NBEAL2: variants seen among roughly 807,000 people sequenced by gnomAD.
NBEAL2 encodes the protein neurobeachin-like protein 2.
NBEAL2 carries 160 observed loss-of-function variants against 299.8 expected under a neutral mutation model. The observed-to-expected ratio is 0.53, with a 90% confidence interval of 0.47 to 0.61. The LOEUF is 0.61. NBEAL2 is among the 20% of genes least tolerant of loss of function. The pLI is 0.00. For synonymous variants in NBEAL2, 1,493 were observed against 1,542.3 expected (o/e 0.97, Z 0.75); for missense variants, 3,112 against 3,649.0 (o/e 0.85, Z 3.79).
Position 47,009,513 on chromosome 3 carries a change from G to A in NBEAL2, c.*193G>A. The A allele has an allele frequency of 1.6e-6, 1 of 615,326 alleles. No homozygotes were observed. The highest frequency in any genetic ancestry group is 2.8e-6 in the Non-Finnish European group (1 of 354,844). 38.1% of individuals were successfully genotyped at this position (615,326 alleles called of 1,614,324 possible). ...CGGGCGGAAGTCCCGCCCCTCGCCGGCTGAGGGGCCGCCCTGAGGGCCAGC... is the reference window on the plus strand; with the variant it reads ...CGGGCGGAAGTCCCGCCCCTCGCCGACTGAGGGGCCGCCCTGAGGGCCAGC... On this transcript the variant is annotated 3_prime_UTR_variant, in exon 54 of 54. Coordinates refer to ENST00000450053, the MANE Select transcript of NBEAL2 (RefSeq NM_015175.3).
chr3:46,993,917 T>C lies in NBEAL2; in HGVS notation c.1114-20T>C. The C allele has an allele frequency of 6.2e-7, 1 of 1,602,002 alleles. No homozygotes were observed. The highest frequency in any genetic ancestry group is 8.5e-7 in the Non-Finnish European group (1 of 1,174,458). ...ACACCCTGGCCCCTGCCTCTCCTGA[T>C]GGCCCCTCCCCACCCCAAGGTCCTG... On this transcript the variant is annotated intron_variant, in intron 10 of 53. Transcript: ENST00000450053.
At chr3:47,007,931 T>C in intron 49 of NBEAL2, 21 bp downstream of exon 49, 1 of 1,607,970 alleles carries the variant, frequency 6.2e-7, no homozygotes, top group Non-Finnish European at 8.5e-7. Flanking sequence ...TGGGCAGCTC[T>C]GTGGGGCCCC....
chr3:47,009,406 G>C lies in NBEAL2; in HGVS notation c.*86G>C. The C allele has an allele frequency of 7.7e-7, 1 of 1,301,384 alleles. No individual in the cohort carries two copies. Among genetic ancestry groups the C allele is most frequent in the Non-Finnish European group, 1.1e-6 (1 of 942,626 alleles). The allele number at this position is 1,301,384 out of a possible 1,614,324, so 80.6% of individuals were successfully genotyped here. A position where few individuals can be genotyped will look rare whatever the true frequency, so the allele number is the denominator to read the frequency against. On this transcript the variant is annotated 3_prime_UTR_variant, in exon 54 of 54. Coordinates refer to ENST00000450053, the MANE Select transcript of NBEAL2 (RefSeq NM_015175.3). ...CCAGAAGTCGGCGGGAACACCCCGG[G>C]GTGGGCAGCCCAGGGGGGTGAGCGG...
rs536214086 is a variant in NBEAL2 at position 47,001,841 on chromosome 3, A to G, written c.4782+15A>G. The stretch of plus-strand genomic sequence containing the variant: ...AAGACCCACAGGTGAGCACAGGGTG[A>G]GCATGGGGGCAGGGGGCGTGTGAGA... On this transcript the variant is annotated intron_variant, in intron 30 of 53. Transcript: ENST00000450053. This position sits in a 1 kb window ranked among gnomAD's most constrained non-coding sequence, Gnocchi z 6.1. The G allele has an allele frequency of 2.0e-5, 32 of 1,613,178 alleles. No individual in the cohort carries two copies. Among genetic ancestry groups the G allele is most frequent in the Non-Finnish European group, 2.6e-5 (31 of 1,179,544 alleles).
At chr3:46,981,815 A>C (rs2035364902) in intron 1 of NBEAL2, 1 of 152,350 alleles carries the variant, frequency 6.6e-6, no homozygotes, top group Non-Finnish European at 1.5e-5. Context: ...TAACTCCAGC[A>C]TGGTTGCCTC....
Position 47,008,099 on chromosome 3 carries a change from G to T in NBEAL2, c.7632G>T (p.Lys2544Asn), listed in dbSNP as rs1480485579. The part of the protein sequence containing the change: ...QGGLSVGLAP[K>N]PVQVLYGHGA... Reference sequence around the variant, plus strand: ...GTCTGTCAGTAGGCCTGGCACCAAAGCCTGTGCAGGTCCTGTATGGGCATG... The same window carrying T: ...GTCTGTCAGTAGGCCTGGCACCAAATCCTGTGCAGGTCCTGTATGGGCATG... The change falls in exon 50 of 54, where the codon AAG becomes AAT. Residue 2544 changes from lysine (K) to asparagine (N), a missense_variant. Lys to Asn is a moderately conservative substitution (Grantham distance 94). Transcript: ENST00000450053. 1.2e-6 allele frequency: 2 copies of T among 1,613,904 alleles called. No individual in the cohort carries two copies. The highest frequency in any genetic ancestry group is 2.7e-5 in the African/African-American group (2 of 74,936).
chr3:46,994,580 TCCCAAAGGCAA>T (rs1373558362), intron 12 of NBEAL2, 27 bp downstream of exon 12: 3 of 1,545,952 alleles, frequency 1.9e-6, no homozygotes, highest in Non-Finnish European at 2.6e-6. Flanking sequence ...GGGACCAGGG[TCCCAAAGGCAA>T]CCAGAACTGA....
chr3:47,000,011 G>T lies in NBEAL2; in HGVS notation c.3912G>T (p.Pro1304=). ...LEAATAGSPP[P]SSPESPTSPK... ...CTGCCACAGCCGGCAGCCCCCCTCC[G>T]TCTTCCCCAGAGTCACCTACCTCCC... Residue 1304 remains proline, a synonymous_variant, in exon 27 of 54, where the codon CCG becomes CCT. Coordinates refer to ENST00000450053, the MANE Select transcript of NBEAL2 (RefSeq NM_015175.3). The surrounding 1 kb of genome is among the most constrained non-coding windows in gnomAD (Gnocchi z 4.5). The T allele has an allele frequency of 6.2e-7, 1 of 1,611,916 alleles. No homozygotes were observed.
chr3:47,003,315 T>TG lies in NBEAL2; in HGVS notation c.5720+10dup, dbSNP rs1366320764. 6.2e-7 allele frequency: 1 copy of TG among 1,611,224 alleles called. No individual in the cohort carries two copies. Among genetic ancestry groups the TG allele is most frequent in the Non-Finnish European group, 8.5e-7 (1 of 1,179,192 alleles). ...CTGGCTGAGCTGGAGACCCCGTGAG[T>TG]GGGGCCCTGGAGAGATTGGACTGGT... On this transcript the variant is annotated splice_region_variant and intron_variant, in intron 35 of 53. Coordinates refer to ENST00000450053, the MANE Select transcript of NBEAL2 (RefSeq NM_015175.3). This position sits in a 1 kb window ranked among gnomAD's most constrained non-coding sequence, Gnocchi z 7.0.
chr3:46,999,268 AGTAACTCC>A lies in NBEAL2; in HGVS notation c.3544-46_3544-39del, dbSNP rs1158525235. The A allele has an allele frequency of 5.7e-6, 9 of 1,571,830 alleles. No homozygotes were observed. The Admixed American group carries it at 1.6e-4, about 28-fold the overall frequency. On this transcript the variant is annotated intron_variant, in intron 24 of 53. Coordinates refer to ENST00000450053, the MANE Select transcript of NBEAL2 (RefSeq NM_015175.3). Reference sequence around the variant, plus strand: ...CCTGCACGGTGACTTCCCCTCCTACAGTAACTCCTTCCACATGATGACAGTCCTCCGAT... The same window carrying A: ...CCTGCACGGTGACTTCCCCTCCTACATTCCACATGATGACAGTCCTCCGAT...
rs775542992 is a variant in NBEAL2, at chr3:47,002,990, C to A, written c.5493C>A (p.Ser1831Arg). ...DTPIPRWKLS[S>R]AETYSRMRLK... ...CCATCCCCCGCTGGAAACTGTCCAG[C>A]GCCGAGACATATTCACGCATGCGTC... Residue 1831 changes from serine (S) to arginine (R), a missense_variant, in exon 34 of 54, where the codon AGC becomes AGA. Transcript: ENST00000450053. 29 of 1,613,402 alleles carry A rather than the reference C, an allele frequency of 1.8e-5. No individual in the cohort carries two copies. Among genetic ancestry groups the A allele is most frequent in the Non-Finnish European group, 2.4e-5 (28 of 1,179,850 alleles).
chr3:46,997,249 C>T lies in NBEAL2; in HGVS notation c.2650-10C>T. ...GAAGGTCCCCCTCACTGCCATCCTCCTTCCCCCAGGATGTGGTGAACTGCG... is the reference window on the plus strand; with the variant it reads ...GAAGGTCCCCCTCACTGCCATCCTCTTTCCCCCAGGATGTGGTGAACTGCG... On this transcript the variant is annotated splice_polypyrimidine_tract_variant and intron_variant, in intron 18 of 53. Transcript: ENST00000450053. 1 of 1,612,232 alleles carries T rather than the reference C, an allele frequency of 6.2e-7. No homozygotes were observed. Among genetic ancestry groups the T allele is most frequent in the Non-Finnish European group, 8.5e-7 (1 of 1,179,620 alleles).
chr3:46,994,927 A>G, intron 12 of NBEAL2, 105 bp from the exon 13 acceptor site: 1 of 1,431,300 alleles, frequency 7.0e-7, no homozygotes, highest in Non-Finnish European at 9.3e-7. Context: ...GATGGAGTAG[A>G]TCATGTTGCT....
At position 46,996,027 on chromosome 3, in the gene NBEAL2, C is replaced by A; in HGVS notation, c.2127C>A (p.Pro709=). 1 of 1,609,904 alleles carries A rather than the reference C, an allele frequency of 6.2e-7. No individual in the cohort carries two copies. The highest frequency in any genetic ancestry group is 2.2e-5 in the East Asian group (1 of 44,676). The change falls in exon 15 of 54, where the codon CCC becomes CCA. Residue 709 remains proline, a synonymous_variant. Transcript: ENST00000450053. ...ACGGCCATCTGGTCAAGACAGCACCCCTTCGCTGCCCCTCCCTCAGTGAGG... is the reference window on the plus strand; with the variant it reads ...ACGGCCATCTGGTCAAGACAGCACCACTTCGCTGCCCCTCCCTCAGTGAGG... The part of the protein sequence containing the change: ...YKDGHLVKTA[P]LRCPSLSEPF...
intron 1 of NBEAL2, among the ~76,000 whole-genome samples, chr3:46,986,343 G>A (rs1869869): frequency 0.49 from 74,357 of 152,004 alleles, 19,646 homozygotes; most frequent in Non-Finnish European, 0.58. Context: ...GCCACCAGGA[G>A]GGTGGGAGGT....
At position 47,007,617 on chromosome 3, in the gene NBEAL2, G is replaced by A; in HGVS notation, c.7427G>A (p.Ser2476Asn). Residue 2476 changes from serine (S) to asparagine (N), a missense_variant, in exon 48 of 54, where the codon AGC (serine) becomes AAC (asparagine). Coordinates refer to ENST00000450053, the MANE Select transcript of NBEAL2 (RefSeq NM_015175.3). ...GCCCCGGATGGAAAGCTGCTATTCA[G>A]CGGTGGCCACTGGGATGGCAGCCTG... ...AVAPDGKLLF[S>N]GGHWDGSLRV... 6.2e-7 allele frequency: 1 copy of A among 1,611,658 alleles called. No individual in the cohort carries two copies. The highest frequency in any genetic ancestry group is 1.3e-5 in the African/African-American group (1 of 75,030).
chr3:47,007,755 G>C, intron 48 of NBEAL2, 58 bp downstream of exon 48: 3 of 1,608,906 alleles, frequency 1.9e-6, no homozygotes, highest in Non-Finnish European at 2.5e-6. Flanking sequence ...GCCGGGTTCT[G>C]AGGCTGGCCA....
rs1001207491 is a variant in NBEAL2 at position 46,989,335 on chromosome 3, G to A, written c.427G>A (p.Glu143Lys). 3.8e-6 allele frequency: 6 copies of A among 1,591,842 alleles called. No homozygotes were observed. Among genetic ancestry groups the A allele is most frequent in the Non-Finnish European group, 3.4e-6 (4 of 1,169,302 alleles). ...GGCCCTACATGCTCTGCTTCTCTGCGAGGGCCTCTTTGACCCTTACCAAAC... is the reference window on the plus strand; with the variant it reads ...GGCCCTACATGCTCTGCTTCTCTGCAAGGGCCTCTTTGACCCTTACCAAAC... The part of the protein sequence containing the change: ...NVALHALLLC[E>K]GLFDPYQTWR... Residue 143 changes from glutamate to lysine, a missense_variant, in exon 5 of 54, where the codon GAG (glutamate) becomes AAG (lysine). Physicochemically the swap from Glu to Lys is moderately conservative, Grantham distance 56. Around this residue, in one of 3 missense-constraint regions of NBEAL2, gnomAD observed 2,243 missense variants for 2,538.1 expected, o/e 0.88. Transcript: ENST00000450053. The surrounding 1 kb of genome is among the most constrained non-coding windows in gnomAD (Gnocchi z 5.5).
chr3:47,007,443 G>A, intron 47 of NBEAL2, 82 bp from the exon 48 acceptor site: 1 of 1,557,544 alleles, frequency 6.4e-7, no homozygotes, highest in Admixed American at 1.9e-5. Flanking sequence ...AGCTGCAGGG[G>A]AAAGGTCTGG....
Sources: allele counts gnomAD v4.1 joint callset (sites outside exome capture counted in the v4.1 genomes callset), GRCh38; gene constraint gnomAD v4.1.1; regional missense constraint gnomAD v4.1.1; non-coding constraint Gnocchi (gnomAD v3.1); transcripts MANE v1.5; gene names NCBI Gene and HGNC (gene_info 2026-07-23, HGNC 2026-07-21).